PCED1B: variants seen among roughly 807,000 people sequenced by gnomAD.
PCED1B encodes PC-esterase domain containing 1B.
For synonymous variants in PCED1B, 251 were observed against 246.1 expected (o/e 1.02, Z -0.19); for missense variants, 573 against 573.9 (o/e 1.00, Z 0.02).
chr12:47,224,033 C>T (rs1424053751), intron 3 of PCED1B: 1 of 152,200 alleles, frequency 6.6e-6, no homozygotes, highest in Non-Finnish European at 1.5e-5. Context: ...CAGATCACCA[C>T]CTTCTGGTAT....
chr12:47,217,470 GAGAAAGAA>G (rs200992609), intron 3 of PCED1B, among the ~76,000 whole-genome samples: 4,481 of 90,860 alleles, frequency 0.049, 314 homozygotes, highest in Middle Eastern at 0.09. Context: ...AAGAAAGAAA[GAGAAAGAA>G]AGAAAGAAAG....
chr12:47,108,179 C>T (rs1939040013), intron 2 of PCED1B, among the ~76,000 whole-genome samples: 1 of 152,088 alleles, frequency 6.6e-6, no homozygotes, highest in Admixed American at 6.5e-5. Flanking sequence ...GTAAGCATTG[C>T]TTTTTCCAGT....
chr12:47,141,595 G>C (rs1940594613), intron 2 of PCED1B, among the ~76,000 whole-genome samples: 1 of 152,140 alleles, frequency 6.6e-6, no homozygotes, highest in Non-Finnish European at 1.5e-5. Flanking sequence ...CATGGTCTGA[G>C]AGAAGTCCTG....
rs145436956 is a variant in PCED1B at position 47,186,657 on chromosome 12, A to C, written c.-525-29565A>C. ...AAACCCCTTCATTGGCAAGCATCAG[A>C]AGCCAGGAAGAGACAAGAAAAGGTT... On this transcript the variant is annotated intron_variant, in intron 2 of 3. Transcript: ENST00000546455. Among the ~76,000 whole-genome samples, 765 of 152,252 alleles carry C rather than the reference A, an allele frequency of 5.0e-3. 7 individuals are homozygous for C. The highest frequency in any genetic ancestry group is 0.018 in the African/African-American group (741 of 41,540).
chr12:47,211,007 T>C (rs929602902), intron 2 of PCED1B, among the ~76,000 whole-genome samples: 2 of 152,152 alleles, frequency 1.3e-5, no homozygotes, highest in African/African-American at 4.8e-5. Flanking sequence ...GCAAAGCAAA[T>C]ATTCATCATA....
chr12:47,140,356 A>T (rs1001601941), intron 2 of PCED1B, among the ~76,000 whole-genome samples: 2 of 152,210 alleles, frequency 1.3e-5, no homozygotes, highest in African/African-American at 2.4e-5. Context: ...ATTTGTTTAT[A>T]GTTTTGATGT....
At chr12:47,091,943 C>G (rs1938284314) in intron 1 of PCED1B, among the ~76,000 whole-genome samples, 1 of 152,020 alleles carries the variant, frequency 6.6e-6, no homozygotes, top group South Asian at 2.1e-4. Context: ...ATTGTCATAA[C>G]TTTATAATAA....
At chr12:47,116,091 GT>G (rs1243059253) in intron 2 of PCED1B, among the ~76,000 whole-genome samples, 1 of 152,064 alleles carries the variant, frequency 6.6e-6, no homozygotes, top group Non-Finnish European at 1.5e-5. Flanking sequence ...TTAATGTTTT[GT>G]TTCAAAATAT....
At chr12:47,188,375 C>G (rs1287698647) in intron 2 of PCED1B, among the ~76,000 whole-genome samples, 1 of 152,172 alleles carries the variant, frequency 6.6e-6, no homozygotes, top group Non-Finnish European at 1.5e-5. Flanking sequence ...AGGGTGTTAG[C>G]TGCAAATCTT....
At position 47,164,050 on chromosome 12, in the gene PCED1B, T is replaced by C. The variant is rs113644234; in HGVS notation, c.-525-52172T>C. Among the ~76,000 whole-genome samples the C allele has an allele frequency of 7.9e-5, 12 of 152,268 alleles. 1 individual carries two copies. The highest frequency in any genetic ancestry group is 4.6e-4 in the Admixed American group (7 of 15,304). ...GATTAATCCTTGTGACCCAAGCACC[T>C]CCCACTAGGCCTCACCCCCCTACAA... On this transcript the variant is annotated intron_variant, in intron 2 of 3. Transcript: ENST00000546455.
At chr12:47,213,322 G>T (rs538508727) in intron 2 of PCED1B, among the ~76,000 whole-genome samples, 101 of 152,098 alleles carry the variant, frequency 6.6e-4, no homozygotes, top group African/African-American at 2.3e-3. Context: ...GCTTTGAAGA[G>T]AAATTATCAA....
At chr12:47,136,654 C>G (rs1384631823) in intron 2 of PCED1B, among the ~76,000 whole-genome samples, 1 of 152,172 alleles carries the variant, frequency 6.6e-6, no homozygotes, top group East Asian at 1.9e-4. Flanking sequence ...ACACTGTTGA[C>G]AAACTTTAAT....
chr12:47,157,751 A>G (rs969834367), intron 2 of PCED1B, among the ~76,000 whole-genome samples: 5 of 152,166 alleles, frequency 3.3e-5, no homozygotes, highest in African/African-American at 1.2e-4. Context: ...CTCTGTAACT[A>G]TTTTAATCTT....
chr12:47,196,472 G>T (rs1276782534), intron 2 of PCED1B, among the ~76,000 whole-genome samples: 1 of 152,182 alleles, frequency 6.6e-6, no homozygotes, highest in Non-Finnish European at 1.5e-5. Flanking sequence ...TAAGTTTTAG[G>T]TATTATTTAG....
rs138361033 is a variant in PCED1B, at chr12:47,221,943, A to C, written c.-58+5254A>C. 6.2e-4 allele frequency among the ~76,000 whole-genome samples: 94 copies of C among 151,924 alleles called. 1 individual carries two copies. The highest frequency in any genetic ancestry group is 2.1e-3 in the African/African-American group (88 of 41,420). ...AAAGCAAGAGCCTGTCTCCACAAAA[A>C]ATTTTAAAAAATTAGCTGGGCATGG... On this transcript the variant is annotated intron_variant, in intron 3 of 3. Coordinates refer to ENST00000546455, the MANE Select transcript of PCED1B (RefSeq NM_138371.3).
intron 3 of PCED1B, among the ~76,000 whole-genome samples, chr12:47,217,470 G>GAAAGA: frequency 2.2e-5 from 2 of 90,920 alleles, no homozygotes; most frequent in East Asian, 6.8e-4. Flanking sequence ...AAGAAAGAAA[G>GAAAGA]AGAAAGAAAG....
chr12:47,160,057 G>A (rs907176238), intron 2 of PCED1B, among the ~76,000 whole-genome samples: 4 of 152,024 alleles, frequency 2.6e-5, no homozygotes, highest in Non-Finnish European at 4.4e-5. Flanking sequence ...CAAATACGTG[G>A]ATTTATTTCT....
Position 47,236,464 on chromosome 12 carries a change from C to T in PCED1B, c.*102C>T. On this transcript the variant is annotated 3_prime_UTR_variant, in exon 4 of 4. Coordinates refer to ENST00000546455, the MANE Select transcript of PCED1B (RefSeq NM_138371.3). ...AACAGACTGACCTTGTTAACTTAAG[C>T]CTGGAGTCCATGCCTCGTCTTCCTT... 1 of 1,195,100 alleles carries T rather than the reference C, an allele frequency of 8.4e-7. No homozygotes were observed. The highest frequency in any genetic ancestry group is 3.0e-5 in the Admixed American group (1 of 32,862). The allele number at this position is 1,195,100 out of a possible 1,614,324, so 74.0% of individuals were successfully genotyped here.
rs202168270 is a variant in PCED1B at position 47,224,785 on chromosome 12, G to A, written c.-58+8096G>A. ...ATGTGCAGTAACAGCTGTCATAGCC[G>A]TAGATAGACGCAGGGCTCTCTAAAT... On this transcript the variant is annotated intron_variant, in intron 3 of 3. Coordinates refer to ENST00000546455, the MANE Select transcript of PCED1B (RefSeq NM_138371.3). 1.6e-4 allele frequency among the ~76,000 whole-genome samples: 24 copies of A among 152,288 alleles called. No homozygotes were observed. The East Asian group carries it at 3.3e-3, about 21-fold the overall frequency.
Sources: allele counts gnomAD v4.1 joint callset (sites outside exome capture counted in the v4.1 genomes callset), GRCh38; gene constraint gnomAD v4.1.1; transcripts MANE v1.5; gene names NCBI Gene and HGNC (gene_info 2026-07-23, HGNC 2026-07-21).